Variants in VRTN observed in about 807,000 individuals in gnomAD.
VRTN encodes vertebrae development associated.
Under a neutral mutation model 18.2 loss-of-function variants are expected in VRTN, and 5 were observed. That is an observed-to-expected ratio of 0.27 (90% CI 0.14 to 0.58). The LOEUF (loss-of-function observed/expected upper bound fraction) is 0.58, where lower values mean the gene tolerates loss of function less well. Ranked by LOEUF, VRTN falls within the 20% of genes least tolerant of loss-of-function variation. The pLI is 0.91. For synonymous variants in VRTN, 381 were observed against 393.7 expected (o/e 0.97, Z 0.38); for missense variants, 741 against 939.4 (o/e 0.79, Z 2.76).
chr14:74,303,027 G>A (rs72559441), upstream of VRTN: 29,365 of 1,145,712 alleles, frequency 0.026, 452 homozygotes, highest in Non-Finnish European at 0.03. Context: ...AGAGAGGAAG[G>A]TGCGGGAGAC....
intron 1 of VRTN, among the ~76,000 whole-genome samples, chr14:74,355,188 A>ATT (rs941032123): frequency 6.6e-6 from 1 of 151,914 alleles, no homozygotes; most frequent in African/African-American, 2.4e-5. Context: ...CATCAGAAAA[A>ATT]TTGAGATTTT....
Position 74,359,720 on chromosome 14 carries a change from A to C in VRTN, c.*828A>C, listed in dbSNP as rs968884331. On this transcript the variant is annotated 3_prime_UTR_variant, in exon 2 of 2. Transcript: ENST00000256362. ...ACTGAGGGGCTGGCCTGTCCCCTGC[A>C]AGGAGTGTGGGACCAGGTGGGGCAA... 3 of 167,226 alleles carry C rather than the reference A, an allele frequency of 1.8e-5. No individual in the cohort carries two copies. Among genetic ancestry groups the C allele is most frequent in the Non-Finnish European group, 4.4e-5 (3 of 68,320 alleles). The allele number at this position is 167,226 out of a possible 1,614,324, so 10.4% of individuals were successfully genotyped here.
chr14:74,341,590 C>T (rs2085605975), intron 2 of VRTN, among the ~76,000 whole-genome samples: 1 of 152,250 alleles, frequency 6.6e-6, no homozygotes, highest in Non-Finnish European at 1.5e-5. Flanking sequence ...ACCTTCTTGG[C>T]TCACTGCAAC....
At chr14:74,346,224 G>A (rs887082718), upstream of VRTN, among the ~76,000 whole-genome samples, 4 of 151,988 alleles carry the variant, frequency 2.6e-5, no homozygotes, top group Non-Finnish European at 5.9e-5. Flanking sequence ...GATCACTCGA[G>A]CTCGGAGTTT....
intron 1 of VRTN, among the ~76,000 whole-genome samples, chr14:74,328,137 G>C (rs1348027197): frequency 6.6e-6 from 1 of 152,162 alleles, no homozygotes; most frequent in Admixed American, 6.6e-5. Context: ...AGAGCTTCCT[G>C]AAGTACCTCC....
At position 74,356,920 on chromosome 14, in the gene VRTN, G is replaced by T. The variant is rs373017198; in HGVS notation, c.137G>T (p.Cys46Phe). The change falls in exon 2 of 2, where the codon TGC becomes TTC. Residue 46 changes from cysteine (C) to phenylalanine (F), a missense_variant. By Grantham distance (205) the Cys-to-Phe change is radical. Around this residue, in one of 3 missense-constraint regions of VRTN, gnomAD observed 186 missense variants for 288.3 expected, o/e 0.65. Coordinates refer to ENST00000256362, the MANE Select transcript of VRTN (RefSeq NM_018228.3). ...CTGTCTTCCTTCACTCTCCCCACCT[G>T]CCGGGAGGGAGGCCCTGGCCTCCAG... ...QVLSSFTLPT[C>F]REGGPGLQVL... The T allele has an allele frequency of 3.1e-6, 5 of 1,613,954 alleles. No individual in the cohort carries two copies. In the African/African-American group the frequency reaches 6.7e-5, roughly 22 times the overall value.
intron 1 of VRTN, among the ~76,000 whole-genome samples, chr14:74,331,544 T>TTATATATA (rs1169929236): frequency 0.017 from 731 of 43,026 alleles, 28 homozygotes; most frequent in Non-Finnish European, 0.024. Flanking sequence ...AAAAAAAATT[T>TTATATATA]TATATATATA....
At chr14:74,347,001 G>C (rs1405015873), upstream of VRTN, among the ~76,000 whole-genome samples, 3 of 152,156 alleles carry the variant, frequency 2.0e-5, no homozygotes, top group Non-Finnish European at 4.4e-5. Flanking sequence ...CCTCCTATGA[G>C]ATAACCACTA....
At position 74,310,310 on chromosome 14, in the gene VRTN, T is replaced by G. The variant is rs1303132317; in HGVS notation, c.-164+7134T>G. ...TACTCGGGAGACTGAGGCAGGAGAC[T>G]CACTTGAACGTGGGAGGCAGAGGTT... is the stretch of plus-strand genomic sequence containing the variant. On this transcript the variant is annotated intron_variant, in intron 1 of 2. Transcript: ENST00000557177. 3.4e-5 allele frequency among the ~76,000 whole-genome samples: 5 copies of G among 147,396 alleles called. No homozygotes were observed. The East Asian group carries it at 1.0e-3, about 30-fold the overall frequency.
upstream of VRTN, among the ~76,000 whole-genome samples, chr14:74,344,719 ATGG>A: frequency 9.6e-6 from 1 of 104,344 alleles, no homozygotes; most frequent in African/African-American, 3.2e-5. Flanking sequence ...TGAGCAACAG[ATGG>A]AGACTCTGAC....
In VRTN at chr14:74,359,748, CT is replaced by C; in HGVS notation, c.*857del. The C allele has an allele frequency of 6.0e-6, 1 of 167,244 alleles. No individual in the cohort carries two copies. The highest frequency in any genetic ancestry group is 1.5e-5 in the Non-Finnish European group (1 of 68,278). The allele number at this position is 167,244 out of a possible 1,614,324, so 10.4% of individuals were successfully genotyped here. On this transcript the variant is annotated 3_prime_UTR_variant, in exon 2 of 2. Transcript: ENST00000256362. ...GAGTGTGGGACCAGGTGGGGCAAGG[CT>C]GGGAGATGCAGGCTCTGTTTGCAGA...
At chr14:74,354,981 A>C (rs1290233071) in intron 1 of VRTN, among the ~76,000 whole-genome samples, 1 of 151,826 alleles carries the variant, frequency 6.6e-6, no homozygotes, top group Non-Finnish European at 1.5e-5. Context: ...GTCTCTACTA[A>C]AATTACAAAA....
At chr14:74,327,590 C>T (rs1242595856) in intron 1 of VRTN, among the ~76,000 whole-genome samples, 1 of 152,178 alleles carries the variant, frequency 6.6e-6, no homozygotes, top group Non-Finnish European at 1.5e-5. Flanking sequence ...GTGAGAAGCC[C>T]TCTCAAGACA....
intron 1 of VRTN, among the ~76,000 whole-genome samples, chr14:74,350,871 T>C (rs2085678596): frequency 6.6e-6 from 1 of 152,238 alleles, no homozygotes; most frequent in Admixed American, 6.5e-5. Context: ...TGGCAGATAC[T>C]TGTTAACACT....
At chr14:74,349,401 C>T (rs986217304) in intron 1 of VRTN, among the ~76,000 whole-genome samples, 12 of 152,146 alleles carry the variant, frequency 7.9e-5, no homozygotes, top group African/African-American at 2.2e-4. Context: ...AGAGGCACGG[C>T]GCAAGGCTGG....
At chr14:74,354,406 T>C (rs1370797063) in intron 1 of VRTN, among the ~76,000 whole-genome samples, 1 of 150,536 alleles carries the variant, frequency 6.6e-6, no homozygotes, top group Non-Finnish European at 1.5e-5. Context: ...TTAAAATCCA[T>C]GGGTCTTTTT....
In VRTN at chr14:74,353,307, T is replaced by C. The variant is rs547976019; in HGVS notation, c.-1-3476T>C. 1.4e-4 allele frequency among the ~76,000 whole-genome samples: 22 copies of C among 152,134 alleles called. 2 individuals carry two copies. In the South Asian group the frequency reaches 4.6e-3, roughly 32 times the overall value. On this transcript the variant is annotated intron_variant, in intron 1 of 1. Transcript: ENST00000256362. ...CTGTCTCAAAAAAAAAGAAAAAAAG[T>C]GTTTGGTTTCAACTAACTTGTATTG...
chr14:74,316,884 G>T (rs1375425245), intron 1 of VRTN, among the ~76,000 whole-genome samples: 1 of 151,868 alleles, frequency 6.6e-6, no homozygotes, highest in African/African-American at 2.4e-5. Context: ...TGATCCGCCC[G>T]TCTCGGCCTC....
chr14:74,355,826 CCTCT>C (rs1219292257), intron 1 of VRTN, among the ~76,000 whole-genome samples: 2 of 151,514 alleles, frequency 1.3e-5, no homozygotes, highest in Admixed American at 6.6e-5. Flanking sequence ...CTGCACCTGG[CCTCT>C]CTCTTTTTTT....
Sources: gnomAD v4.1 joint callset for allele counts (sites outside exome capture counted in the v4.1 genomes callset) on GRCh38, gnomAD v4.1.1 for gene constraint, gnomAD v4.1.1 regional missense constraint, MANE v1.5 for transcripts, NCBI Gene and HGNC (gene_info 2026-07-23, HGNC 2026-07-21) for gene names.